GRAP2: variants seen among roughly 807,000 people sequenced by gnomAD.
The protein encoded by GRAP2 is GRB2-related adapter protein 2.
In GRAP2, 31 loss-of-function variants were observed where a neutral mutation model predicts 43.5. That is an observed-to-expected ratio of 0.71 (90% CI 0.54 to 0.96). GRAP2 has a LOEUF of 0.96. Among genes scored for constraint, GRAP2 ranks in the 40% least tolerant of loss-of-function variants. The probability of loss-of-function intolerance (pLI) is 0.00; values close to 1 mark genes in which losing one functional copy is unlikely to be tolerated. For missense variants in GRAP2, 371 were observed against 424.4 expected (o/e 0.87, Z 1.11); for synonymous variants, 156 against 164.8 (o/e 0.95, Z 0.41).
intron 1 of GRAP2, among the ~76,000 whole-genome samples, chr22:39,924,004 A>C (rs1230485462): frequency 1.3e-5 from 2 of 152,180 alleles, no homozygotes; most frequent in African/African-American, 4.8e-5. Context: ...TACCATAAAA[A>C]CTGAACGTAG....
chr22:39,922,001 G>A (rs1319652365), intron 1 of GRAP2, among the ~76,000 whole-genome samples: 2 of 152,118 alleles, frequency 1.3e-5, no homozygotes, highest in African/African-American at 2.4e-5. Flanking sequence ...CCATCATATT[G>A]CCAAAACCAC....
chr22:39,934,179 G>T (rs2066784360), intron 1 of GRAP2, among the ~76,000 whole-genome samples: 2 of 152,316 alleles, frequency 1.3e-5, no homozygotes, highest in South Asian at 2.1e-4. Context: ...CACAGGCACG[G>T]CACAGCTTGA....
intron 1 of GRAP2, among the ~76,000 whole-genome samples, chr22:39,901,972 C>T (rs550102744): frequency 6.6e-5 from 10 of 152,272 alleles, no homozygotes; most frequent in East Asian, 5.8e-4. Context: ...TCTTCCTGAA[C>T]GTGAGGATTG....
rs557519429 is a variant in GRAP2, at chr22:39,934,827, C to T, written c.-14-12266C>T. On this transcript the variant is annotated intron_variant, in intron 1 of 7. Coordinates refer to ENST00000344138, the MANE Select transcript of GRAP2 (RefSeq NM_004810.4). ...TCAAGGCTACAGTGACCCATGATCA[C>T]GCCACTGCACTCCAGCCTGGGCAAC... Among the ~76,000 whole-genome samples the T allele has an allele frequency of 1.6e-4, 25 of 152,072 alleles. No homozygotes were observed. In the South Asian group the frequency reaches 2.5e-3, roughly 15 times the overall value.
In GRAP2 at chr22:39,968,208, C is replaced by T; in HGVS notation, c.626C>T (p.Pro209Leu). The T allele has an allele frequency of 6.2e-7, 1 of 1,606,690 alleles. No homozygotes were observed. Residue 209 changes from proline to leucine, a missense_variant, in exon 6 of 8, where the codon CCA (proline) becomes CTA (leucine). Physicochemically the swap from Pro to Leu is moderately conservative, Grantham distance 98. Coordinates refer to ENST00000344138, the MANE Select transcript of GRAP2 (RefSeq NM_004810.4). Reference protein sequence around the residue: ...QHQPQPPQYAPAPQQLQQPPQ... With the variant: ...QHQPQPPQYALAPQQLQQPPQ... ...CAGCCACAGCCTCCGCAATATGCCCCAGCGCCCCAGCAGCTGCAGCAGCCC... is the reference window on the plus strand; with the variant it reads ...CAGCCACAGCCTCCGCAATATGCCCTAGCGCCCCAGCAGCTGCAGCAGCCC...
upstream of GRAP2, among the ~76,000 whole-genome samples, chr22:39,898,754 A>G (rs1451062626): frequency 1.3e-5 from 2 of 152,220 alleles, no homozygotes; most frequent in African/African-American, 2.4e-5. Context: ...TGGAGGTTGC[A>G]GTGAGCCAAG....
At chr22:39,928,312 C>G (rs1683987144) in intron 1 of GRAP2, among the ~76,000 whole-genome samples, 2 of 152,210 alleles carry the variant, frequency 1.3e-5, no homozygotes, top group Admixed American at 1.3e-4. Context: ...ACTGGGACTT[C>G]TCTCATTCTT....
chr22:39,940,404 T>A (rs1424823001), intron 1 of GRAP2, among the ~76,000 whole-genome samples: 1 of 151,490 alleles, frequency 6.6e-6, no homozygotes, highest in Non-Finnish European at 1.5e-5. Context: ...TTTTTTCACT[T>A]TCCCACTTTA....
chr22:39,949,103 T>C (rs2066954976), intron 2 of GRAP2, among the ~76,000 whole-genome samples: 1 of 152,136 alleles, frequency 6.6e-6, no homozygotes, highest in South Asian at 2.1e-4. Context: ...TGTCCCCACA[T>C]GAACTCCAGC....
chr22:39,907,994 C>T (rs1159878687), intron 1 of GRAP2, among the ~76,000 whole-genome samples: 6 of 152,188 alleles, frequency 3.9e-5, no homozygotes, highest in African/African-American at 1.4e-4. Flanking sequence ...TGCAGGAGCC[C>T]TCGATGGGCT....
At chr22:39,911,775 C>T (rs1481918181) in intron 1 of GRAP2, among the ~76,000 whole-genome samples, 3 of 152,116 alleles carry the variant, frequency 2.0e-5, no homozygotes, top group African/African-American at 4.8e-5. Flanking sequence ...AATCCAGGGC[C>T]TGGGCACTCG....
chr22:39,937,810 A>G (rs966906792), intron 1 of GRAP2, among the ~76,000 whole-genome samples: 6 of 152,176 alleles, frequency 3.9e-5, no homozygotes, highest in African/African-American at 1.4e-4. Flanking sequence ...TCCCGTAGTA[A>G]ACCTCCCACT....
rs535708875 is a variant in GRAP2 at position 39,969,823 on chromosome 22, A to G, written c.813+290A>G. 2.2e-4 allele frequency among the ~76,000 whole-genome samples: 33 copies of G among 152,320 alleles called. No homozygotes were observed. In the East Asian group the frequency reaches 2.5e-3, roughly 12 times the overall value. On this transcript the variant is annotated intron_variant, in intron 7 of 7. Coordinates refer to ENST00000344138, the MANE Select transcript of GRAP2 (RefSeq NM_004810.4). Reference sequence around the variant, plus strand: ...CAGCTACTTGGGAGGCTGAGGCAGGAGAATTGCTTGAACCCAGGAGGCAGA... The same window carrying G: ...CAGCTACTTGGGAGGCTGAGGCAGGGGAATTGCTTGAACCCAGGAGGCAGA...
At chr22:39,951,508 A>G (rs376154196) in intron 2 of GRAP2, among the ~76,000 whole-genome samples, 2 of 152,208 alleles carry the variant, frequency 1.3e-5, no homozygotes, top group African/African-American at 4.8e-5. Flanking sequence ...CAATTTAAAA[A>G]TTCTTCCAGC....
intron 1 of GRAP2, among the ~76,000 whole-genome samples, chr22:39,908,420 A>C (rs933803979): frequency 2.6e-5 from 4 of 152,232 alleles, no homozygotes; most frequent in African/African-American, 4.8e-5. Flanking sequence ...CAATGGGCAG[A>C]CATCCCATGA....
At chr22:39,955,238 A>T (rs1407745097) in intron 2 of GRAP2, among the ~76,000 whole-genome samples, 2 of 152,060 alleles carry the variant, frequency 1.3e-5, no homozygotes, top group Non-Finnish European at 2.9e-5. Context: ...CATGCCTGTA[A>T]TCCCAGCTAC....
At chr22:39,909,338 A>G (rs1455608142) in intron 1 of GRAP2, among the ~76,000 whole-genome samples, 1 of 152,240 alleles carries the variant, frequency 6.6e-6, no homozygotes, top group Non-Finnish European at 1.5e-5. Flanking sequence ...GAGCTTTTAG[A>G]GAGCAGACTT....
intron 1 of GRAP2, among the ~76,000 whole-genome samples, chr22:39,944,303 C>G (rs754387032): frequency 6.6e-5 from 10 of 152,030 alleles, no homozygotes; most frequent in Non-Finnish European, 1.3e-4. Flanking sequence ...ATATACATTT[C>G]CATGCATTTT....
At chr22:39,917,690 A>G (rs762632980) in intron 1 of GRAP2, among the ~76,000 whole-genome samples, 2 of 152,220 alleles carry the variant, frequency 1.3e-5, no homozygotes, top group Non-Finnish European at 2.9e-5. Flanking sequence ...ATTATTGTAG[A>G]AGCACAGCAC....
Sources: gnomAD v4.1 joint callset for allele counts (sites outside exome capture counted in the v4.1 genomes callset) on GRCh38, gnomAD v4.1.1 for gene constraint, MANE v1.5 for transcripts, NCBI Gene and HGNC (gene_info 2026-07-23, HGNC 2026-07-21) for gene names.